Variants in SLC4A4 observed in about 807,000 individuals in gnomAD.
SLC4A4 encodes electrogenic sodium bicarbonate cotransporter 1.
SLC4A4 carries 27 observed loss-of-function variants against 111.5 expected under a neutral mutation model. That is an observed-to-expected ratio of 0.24 (90% CI 0.18 to 0.33). The LOEUF (loss-of-function observed/expected upper bound fraction) is 0.33, where lower values mean the gene tolerates loss of function less well. SLC4A4 is among the 10% of genes least tolerant of loss of function. SLC4A4 has a pLI of 1.00. For missense variants in SLC4A4, 909 were observed against 1,315.5 expected (o/e 0.69, Z 4.78); for synonymous variants, 443 against 463.4 (o/e 0.96, Z 0.57).
rs189328769 is a variant in SLC4A4, at chr4:71,179,446, C to G, written c.-1-57130C>G. Among the ~76,000 whole-genome samples, 631 of 152,238 alleles carry G rather than the reference C, an allele frequency of 4.1e-3. 8 individuals are homozygous for G. Among genetic ancestry groups the G allele is most frequent in the African/African-American group, 0.014 (591 of 41,520 alleles). On this transcript the variant is annotated intron_variant, in intron 2 of 26. Coordinates refer to the SLC4A4 transcript ENST00000649996. ...GTTTGCAGATGACATGATTGTATAT[C>G]TAGAAAACCCCATCGTCTCAGCCCA...
chr4:71,349,454 A>T (rs1036175810), intron 4 of SLC4A4, among the ~76,000 whole-genome samples: 1 of 152,238 alleles, frequency 6.6e-6, no homozygotes, highest in Non-Finnish European at 1.5e-5. Flanking sequence ...TATGTCTGCG[A>T]TAAATATTGG....
chr4:71,078,995 T>C (rs1353276566), intron 1 of SLC4A4, among the ~76,000 whole-genome samples: 1 of 152,116 alleles, frequency 6.6e-6, no homozygotes, highest in African/African-American at 2.4e-5. Context: ...ATTTTTGTAT[T>C]TTTAGTAGAG....
At chr4:71,357,597 C>T (rs1305289995) in intron 6 of SLC4A4, among the ~76,000 whole-genome samples, 3 of 152,162 alleles carry the variant, frequency 2.0e-5, no homozygotes, top group Admixed American at 2.0e-4. Context: ...GCCTTGAAAT[C>T]TCCTATCACA....
intron 3 of SLC4A4, among the ~76,000 whole-genome samples, chr4:71,291,094 G>A (rs1435969506): frequency 2.6e-5 from 4 of 152,174 alleles, no homozygotes; most frequent in African/African-American, 7.2e-5. Context: ...GAGCCATTTT[G>A]TAAGAAACAA....
intron 16 of SLC4A4, among the ~76,000 whole-genome samples, chr4:71,521,700 C>G (rs1242245080): frequency 6.6e-6 from 1 of 152,162 alleles, no homozygotes; most frequent in Non-Finnish European, 1.5e-5. Flanking sequence ...GACAGTGAGA[C>G]TGGGGAGCCC....
Position 71,414,435 on chromosome 4 carries a change from G to GA in SLC4A4, c.807+16783dup, listed in dbSNP as rs549879822. 1.5e-3 allele frequency among the ~76,000 whole-genome samples: 231 copies of GA among 152,358 alleles called. 2 individuals carry two copies. The highest frequency in any genetic ancestry group is 5.6e-3 in the South Asian group (27 of 4,830). ...AGTGTTTTTTCCAGTTTCTGCACAA[G>GA]ATAGGCATTCTGCATAAGTGTTTGT... On this transcript the variant is annotated intron_variant, in intron 7 of 25. Transcript: ENST00000264485.
intron 3 of SLC4A4, among the ~76,000 whole-genome samples, chr4:71,315,382 A>G (rs1726601205): frequency 6.6e-6 from 1 of 152,162 alleles, no homozygotes; most frequent in Admixed American, 6.6e-5. Flanking sequence ...AAAATAGACA[A>G]AAGACATTGA....
chr4:71,280,026 T>A (rs1723386988), intron 3 of SLC4A4, among the ~76,000 whole-genome samples: 1 of 152,208 alleles, frequency 6.6e-6, no homozygotes, highest in Admixed American at 6.5e-5. Flanking sequence ...ACCCCTCACC[T>A]CAGGTGATCT....
intron 2 of SLC4A4, among the ~76,000 whole-genome samples, chr4:71,095,748 G>A (rs1307254992): frequency 6.6e-6 from 1 of 152,136 alleles, no homozygotes; most frequent in Admixed American, 6.6e-5. Flanking sequence ...AAATGAAAAT[G>A]AAACTAGTTA....
intron 6 of SLC4A4, among the ~76,000 whole-genome samples, chr4:71,385,415 C>T (rs1718619028): frequency 6.6e-6 from 1 of 151,462 alleles, no homozygotes; most frequent in South Asian, 2.1e-4. Flanking sequence ...TCAGGCTGCT[C>T]TCGAACTACT....
chr4:71,242,660 TTTCTTTGGTTATTATAATC>T (rs1289624572), intron 2 of SLC4A4, among the ~76,000 whole-genome samples: 2 of 151,848 alleles, frequency 1.3e-5, no homozygotes, highest in African/African-American at 4.8e-5. Flanking sequence ...CACCAATAAT[TTTCTTTGGTTATTATAATC>T]TTCTTTGGTT....
intron 3 of SLC4A4, among the ~76,000 whole-genome samples, chr4:71,298,482 A>C (rs563366398): frequency 3.3e-5 from 5 of 152,354 alleles, no homozygotes; most frequent in Non-Finnish European, 7.3e-5. Context: ...ATTGATGCTT[A>C]AAAGTAAAAT....
At chr4:71,208,895 A>G (rs950787090) in intron 1 of SLC4A4, among the ~76,000 whole-genome samples, 2 of 152,184 alleles carry the variant, frequency 1.3e-5, no homozygotes, top group Non-Finnish European at 2.9e-5. Flanking sequence ...AAGGTTTGAC[A>G]TGAGATGAAT....
At chr4:71,368,522 A>G (rs1166547200) in intron 6 of SLC4A4, among the ~76,000 whole-genome samples, 1 of 152,236 alleles carries the variant, frequency 6.6e-6, no homozygotes, top group Non-Finnish European at 1.5e-5. Flanking sequence ...AAGTGAAAGT[A>G]TGAAATGTTG....
chr4:71,078,901 C>A (rs1578457091), intron 1 of SLC4A4, among the ~76,000 whole-genome samples: 1 of 152,030 alleles, frequency 6.6e-6, no homozygotes, highest in Non-Finnish European at 1.5e-5. Flanking sequence ...TCACTGCAAC[C>A]TCTGCCTCCT....
chr4:71,230,100 G>A (rs1043278784), intron 1 of SLC4A4, among the ~76,000 whole-genome samples: 2 of 152,084 alleles, frequency 1.3e-5, no homozygotes, highest in Non-Finnish European at 2.9e-5. Flanking sequence ...TTTGCAAATG[G>A]TTTATAATGG....
At position 71,166,962 on chromosome 4, in the gene SLC4A4, C is replaced by G. The variant is rs186849323; in HGVS notation, c.-1-69614C>G. 7.9e-5 allele frequency among the ~76,000 whole-genome samples: 12 copies of G among 152,252 alleles called. No homozygotes were observed. The East Asian group carries it at 2.3e-3, about 29-fold the overall frequency. On this transcript the variant is annotated intron_variant, in intron 2 of 26. Transcript: ENST00000649996. ...GAGTAACTGGCTGATCTGAATACCACTGCTGCTTGATGAATTATTACAAAA... is the reference window on the plus strand; with the variant it reads ...GAGTAACTGGCTGATCTGAATACCAGTGCTGCTTGATGAATTATTACAAAA...
At chr4:71,095,793 T>A (rs1408148928) in intron 2 of SLC4A4, among the ~76,000 whole-genome samples, 1 of 152,180 alleles carries the variant, frequency 6.6e-6, no homozygotes, top group Non-Finnish European at 1.5e-5. Flanking sequence ...AAAGAGAAAT[T>A]GCAGAGTTCT....
intron 10 of SLC4A4, among the ~76,000 whole-genome samples, chr4:71,450,872 T>C (rs565329732): frequency 1.3e-5 from 2 of 152,342 alleles, no homozygotes; most frequent in South Asian, 4.1e-4. Context: ...AGATGAGTCC[T>C]TGTAGATGTA....
Sources: allele counts gnomAD v4.1 joint callset (sites outside exome capture counted in the v4.1 genomes callset), GRCh38; gene constraint gnomAD v4.1.1; transcripts MANE v1.5; gene names NCBI Gene and HGNC (gene_info 2026-07-23, HGNC 2026-07-21).